DAB1: variants seen among roughly 807,000 people sequenced by gnomAD.
DAB1 encodes the protein DAB adaptor protein 1.
A neutral mutation model predicts 64.6 loss-of-function variants in DAB1; 15 were observed. That is an observed-to-expected ratio of 0.23 (90% CI 0.16 to 0.36). DAB1 has a LOEUF of 0.36. Among genes scored for constraint, DAB1 ranks in the 10% least tolerant of loss-of-function variants. The pLI is 1.00. For missense variants in DAB1, 596 were observed against 706.7 expected, an observed-to-expected ratio of 0.84 and a Z score of 1.78; for synonymous variants, 235 against 251.9, an observed-to-expected ratio of 0.93 and a Z score of 0.64.
chr1:57,483,120 G>A lies in DAB1; in HGVS notation n.625+166472C>T, dbSNP rs115818692. Reference sequence around the variant, plus strand: ...AATATGCATGGGAAAAAGATGGCAAGGAAATATGCCAAAATGTGCATTTCT... The same window carrying A: ...AATATGCATGGGAAAAAGATGGCAAAGAAATATGCCAAAATGTGCATTTCT... On this transcript the variant is annotated intron_variant and non_coding_transcript_variant, in intron 7 of 20. Coordinates refer to the DAB1 transcript ENST00000485760. Among the ~76,000 whole-genome samples, 625 of 152,274 alleles carry A rather than the reference G, an allele frequency of 4.1e-3. 1 individual carries two copies. The highest frequency in any genetic ancestry group is 0.014 in the African/African-American group (598 of 41,564).
chr1:58,340,358 A>C (rs1015401118), intron 4 of DAB1, among the ~76,000 whole-genome samples: 6 of 152,178 alleles, frequency 3.9e-5, no homozygotes, highest in African/African-American at 1.2e-4. Flanking sequence ...TGTCACCCTC[A>C]TGAGCCGGGC....
At chr1:58,007,741 C>T (rs867338401) in intron 5 of DAB1, among the ~76,000 whole-genome samples, 2 of 152,278 alleles carry the variant, frequency 1.3e-5, no homozygotes, top group African/African-American at 2.4e-5. Flanking sequence ...CCTCTCCTAC[C>T]TAAGGGTCTG....
In DAB1 at chr1:57,652,717, A is replaced by G. The variant is rs184151941; in HGVS notation, n.552-3052T>C. On this transcript the variant is annotated intron_variant and non_coding_transcript_variant, in intron 6 of 20. Transcript: ENST00000485760. ...GATTTGTAAATTTTGATCTTTTTAAAGAACCAACTCTGTTTCATTTATTTT... is the reference window on the plus strand; with the variant it reads ...GATTTGTAAATTTTGATCTTTTTAAGGAACCAACTCTGTTTCATTTATTTT... Among the ~76,000 whole-genome samples the G allele has an allele frequency of 1.2e-3, 177 of 152,312 alleles. 2 individuals carry two copies. Among genetic ancestry groups the G allele is most frequent in the Non-Finnish European group, 2.1e-4 (14 of 68,028 alleles).
At chr1:57,454,783 C>T (rs1686520418) in intron 7 of DAB1, among the ~76,000 whole-genome samples, 1 of 152,090 alleles carries the variant, frequency 6.6e-6, no homozygotes, top group East Asian at 1.9e-4. Context: ...ACCCCAGAAA[C>T]CTTTCACTCG....
chr1:57,452,000 C>A lies in DAB1; in HGVS notation n.626-160834G>T, dbSNP rs78527486. ...TTTTCATTCATTATTGCACGTGACC[C>A]TCATAGCCACCTCAGGAAGTTTGAA... is the stretch of plus-strand genomic sequence containing the variant. On this transcript the variant is annotated intron_variant and non_coding_transcript_variant, in intron 7 of 20. Transcript: ENST00000485760. Among the ~76,000 whole-genome samples, 633 of 152,108 alleles carry A rather than the reference C, an allele frequency of 4.2e-3. 2 individuals are homozygous for A. Among genetic ancestry groups the A allele is most frequent in the African/African-American group, 0.015 (606 of 41,474 alleles).
At chr1:57,227,456 T>C (rs1569967543) in intron 2 of DAB1, among the ~76,000 whole-genome samples, 2 of 151,774 alleles carry the variant, frequency 1.3e-5, no homozygotes, top group Admixed American at 1.3e-4. Context: ...TAAAGCTGGG[T>C]AAATAGATAA....
chr1:58,101,295 C>T (rs1358270024), intron 5 of DAB1, among the ~76,000 whole-genome samples: 2 of 151,742 alleles, frequency 1.3e-5, no homozygotes, highest in Non-Finnish European at 2.9e-5. Context: ...CCAGCCTGGG[C>T]GACAGAGCGA....
chr1:57,945,222 C>G (rs1645166735), intron 5 of DAB1, among the ~76,000 whole-genome samples: 1 of 152,082 alleles, frequency 6.6e-6, no homozygotes, highest in East Asian at 1.9e-4. Flanking sequence ...TCACTGAATA[C>G]TGTCTGTTTA....
chr1:58,288,376 A>C (rs1269106697), intron 4 of DAB1, among the ~76,000 whole-genome samples: 1 of 152,232 alleles, frequency 6.6e-6, no homozygotes, highest in African/African-American at 2.4e-5. Context: ...TGGTATAATG[A>C]AATGGAAAAT....
intron 5 of DAB1, among the ~76,000 whole-genome samples, chr1:57,941,684 A>G (rs1645107757): frequency 6.6e-6 from 1 of 152,060 alleles, no homozygotes; most frequent in East Asian, 1.9e-4. Flanking sequence ...AAAATACAAA[A>G]ATTAGCCAGG....
At chr1:57,223,307 T>C (rs1489722829) in intron 2 of DAB1, among the ~76,000 whole-genome samples, 1 of 152,168 alleles carries the variant, frequency 6.6e-6, no homozygotes, top group East Asian at 1.9e-4. Context: ...ATTTTATTTT[T>C]AAAAGAAGAG....
chr1:57,248,002 T>C (rs1669014793), intron 2 of DAB1, among the ~76,000 whole-genome samples: 1 of 152,176 alleles, frequency 6.6e-6, no homozygotes, highest in African/African-American at 2.4e-5. Context: ...TGAATGATTA[T>C]ACAGTCATCA....
At chr1:58,228,392 T>C (rs1367453967) in intron 4 of DAB1, among the ~76,000 whole-genome samples, 1 of 152,226 alleles carries the variant, frequency 6.6e-6, no homozygotes, top group Non-Finnish European at 1.5e-5. Context: ...AAGGGTAATC[T>C]TGCTTTTCTA....
intron 7 of DAB1, among the ~76,000 whole-genome samples, chr1:57,536,692 GAA>G (rs35045042): frequency 3.7e-5 from 4 of 107,160 alleles, no homozygotes; most frequent in African/African-American, 3.4e-5. Context: ...ATGAGACAAG[GAA>G]AAAAAAAAAA....
At position 57,988,324 on chromosome 1, in the gene DAB1, C is replaced by G. The variant is rs145197443; in HGVS notation, n.388-104162G>C. Among the ~76,000 whole-genome samples the G allele has an allele frequency of 5.9e-4, 90 of 152,352 alleles. No homozygotes were observed. The East Asian group carries it at 0.012, about 21-fold the overall frequency. On this transcript the variant is annotated intron_variant and non_coding_transcript_variant, in intron 5 of 20. Transcript: ENST00000485760. ...AACCTGCATACCAATTCTGCCCCCC[C>G]ACTCACTCTGTGGCTGTGTCACCCT...
At chr1:57,388,960 C>CCA (rs1682114523) in intron 1 of DAB1, among the ~76,000 whole-genome samples, 1 of 152,208 alleles carries the variant, frequency 6.6e-6, no homozygotes, top group Non-Finnish European at 1.5e-5. Flanking sequence ...TGAAGCTGTC[C>CCA]CAGCTCTGCC....
At chr1:57,430,325 T>C (rs1462570055) in intron 7 of DAB1, among the ~76,000 whole-genome samples, 1 of 152,144 alleles carries the variant, frequency 6.6e-6, no homozygotes, top group Non-Finnish European at 1.5e-5. Context: ...TACTTGCACA[T>C]GCCAGGCATT....
chr1:58,387,382 T>C (rs1644441170), intron 3 of DAB1, among the ~76,000 whole-genome samples: 1 of 152,216 alleles, frequency 6.6e-6, no homozygotes, highest in South Asian at 2.1e-4. Flanking sequence ...CAGATGTTTA[T>C]ATGTTCTTTT....
chr1:58,248,677 T>C (rs1181675576), intron 4 of DAB1, among the ~76,000 whole-genome samples: 8 of 152,146 alleles, frequency 5.3e-5, no homozygotes, highest in Admixed American at 5.2e-4. Context: ...AAGAAGGATT[T>C]GGGCAGGGAA....
Sources: allele counts gnomAD v4.1 joint callset (sites outside exome capture counted in the v4.1 genomes callset), GRCh38; gene constraint gnomAD v4.1.1; transcripts MANE v1.5; gene names NCBI Gene and HGNC (gene_info 2026-07-23, HGNC 2026-07-21).